PPP2R2C: variants seen among roughly 807,000 people sequenced by gnomAD.
PPP2R2C encodes the protein protein phosphatase 2 regulatory subunit Bgamma, also known as protein phosphatase 2, regulatory subunit B, gamma.
Under a neutral mutation model 45.3 loss-of-function variants are expected in PPP2R2C, and 10 were observed. The observed-to-expected ratio is 0.22, with a 90% CI of 0.14 to 0.37. The LOEUF is 0.37. Ranked by LOEUF, PPP2R2C falls within the 10% of genes least tolerant of loss-of-function variation. The pLI, the probability that PPP2R2C is intolerant of heterozygous loss-of-function variation, is 1.00. For missense variants in PPP2R2C, 308 were observed against 619.7 expected, an observed-to-expected ratio of 0.50 and a Z score of 5.34; for synonymous variants, 257 against 245.4, an observed-to-expected ratio of 1.05 and a Z score of -0.44.
rs1211942048 is a variant in PPP2R2C at position 6,367,086 on chromosome 4, T to C, written c.625+5437A>G. Among the ~76,000 whole-genome samples the C allele has an allele frequency of 2.0e-5, 3 of 152,090 alleles. No homozygotes were observed. The East Asian group carries it at 5.8e-4, about 29-fold the overall frequency. On this transcript the variant is annotated intron_variant, in intron 5 of 8. Transcript: ENST00000382599. ...AGGAGGCTGGGAGGGCTCCTCTTCC[T>C]TGAACCTTGGTGACTACACCGAGAC...
chr4:6,528,101 C>T (rs1724276448), intron 2 of PPP2R2C, among the ~76,000 whole-genome samples: 1 of 152,264 alleles, frequency 6.6e-6, no homozygotes. Context: ...TGTGTGACCA[C>T]CTGGTTACGG....
chr4:6,437,686 G>A (rs181092529), intron 1 of PPP2R2C, among the ~76,000 whole-genome samples: 94 of 152,284 alleles, frequency 6.2e-4, no homozygotes, highest in Admixed American at 3.5e-3. Context: ...AAGGTACAGC[G>A]GCCAACAGTA....
chr4:6,333,492 C>G (rs1346456861), intron 7 of PPP2R2C, 70 bp downstream of exon 7: 3 of 1,535,996 alleles, frequency 2.0e-6, no homozygotes, highest in Non-Finnish European at 2.6e-6. Context: ...GCTAGGAAGG[C>G]CCCCTCCATG....
At chr4:6,421,825 T>C (rs4561985) in intron 1 of PPP2R2C, among the ~76,000 whole-genome samples, 148,360 of 152,284 alleles carry the variant, frequency 0.97, 72,405 homozygotes, top group South Asian at 1. Flanking sequence ...CAGAATGAAA[T>C]AAGATGTAAA....
chr4:6,329,513 G>A lies in PPP2R2C; in HGVS notation c.961-160C>T, dbSNP rs1473158966. Among the ~76,000 whole-genome samples the A allele has an allele frequency of 1.3e-5, 2 of 151,922 alleles. No individual in the cohort carries two copies. Among genetic ancestry groups the A allele is most frequent in the Non-Finnish European group, 2.9e-5 (2 of 67,984 alleles). ...GGGTCTGAATGCTCTGACACAGCCC[G>A]ACACAGCCCTGCTCATCTCATCGGG... On this transcript the variant is annotated intron_variant, in intron 7 of 8. Transcript: ENST00000382599. This position sits in a 1 kb window ranked among gnomAD's most constrained non-coding sequence, Gnocchi z 5.8.
At chr4:6,430,954 A>T (rs969339930) in intron 1 of PPP2R2C, among the ~76,000 whole-genome samples, 5 of 149,808 alleles carry the variant, frequency 3.3e-5, no homozygotes, top group African/African-American at 9.9e-5. Flanking sequence ...CAAAAAAAAA[A>T]CTTTGCAGAT....
At chr4:6,534,331 A>G (rs527879864) in intron 2 of PPP2R2C, among the ~76,000 whole-genome samples, 1 of 150,252 alleles carries the variant, frequency 6.7e-6, no homozygotes, top group South Asian at 2.1e-4. Context: ...AAAAACACAC[A>G]TCAACACACA....
intron 8 of PPP2R2C, among the ~76,000 whole-genome samples, chr4:6,326,889 G>C (rs1282077323): frequency 6.6e-6 from 1 of 152,224 alleles, no homozygotes; most frequent in Admixed American, 6.5e-5. Context: ...ACTGTCAGAG[G>C]GGGTCACCAG....
At chr4:6,554,155 G>T (rs74454236) in intron 1 of PPP2R2C, among the ~76,000 whole-genome samples, 2,460 of 152,280 alleles carry the variant, frequency 0.016, 73 homozygotes, top group African/African-American at 0.056. Context: ...TGGAAATAGG[G>T]TCACTGCAGA....
chr4:6,523,861 A>C (rs1724104605), intron 2 of PPP2R2C, among the ~76,000 whole-genome samples: 1 of 152,110 alleles, frequency 6.6e-6, no homozygotes, highest in African/African-American at 2.4e-5. Context: ...AATGTGGTCC[A>C]CTCATACAGT....
At chr4:6,556,610 G>T (rs913273361) in intron 1 of PPP2R2C, among the ~76,000 whole-genome samples, 1 of 152,156 alleles carries the variant, frequency 6.6e-6, no homozygotes, top group African/African-American at 2.4e-5. Flanking sequence ...TCATTTGAGA[G>T]GTCCATCCAC....
chr4:6,402,774 T>G (rs1378770006), intron 1 of PPP2R2C, among the ~76,000 whole-genome samples: 1 of 151,850 alleles, frequency 6.6e-6, no homozygotes, highest in East Asian at 1.9e-4. Flanking sequence ...ACCTGAAGGG[T>G]CAGAAAGAGC....
rs1715561808 is a variant in PPP2R2C, at chr4:6,378,846, G to A, written c.169-274C>T. On this transcript the variant is annotated intron_variant, in intron 2 of 8. Transcript: ENST00000382599. This position sits in a 1 kb window ranked among gnomAD's most constrained non-coding sequence, Gnocchi z 5.2. ...TGTTCCCCAGCGCCTGCTACAAGCT[G>A]GACACCCCACTAAGTCCTCCCCGCA... Among the ~76,000 whole-genome samples, 1 of 151,808 alleles carries A rather than the reference G, an allele frequency of 6.6e-6. No homozygotes were observed. The highest frequency in any genetic ancestry group is 2.4e-5 in the African/African-American group (1 of 41,312).
At chr4:6,455,486 A>G (rs1481787121) in intron 1 of PPP2R2C, among the ~76,000 whole-genome samples, 1 of 152,132 alleles carries the variant, frequency 6.6e-6, no homozygotes, top group Admixed American at 6.5e-5. Flanking sequence ...CCATTCAAGG[A>G]GACCCAGCCT....
intron 2 of PPP2R2C, among the ~76,000 whole-genome samples, chr4:6,492,655 G>A (rs185901838): frequency 6.6e-6 from 1 of 152,278 alleles, no homozygotes; most frequent in Non-Finnish European, 1.5e-5. Flanking sequence ...CCTACAGCAG[G>A]GACTCGAATG....
chr4:6,505,024 A>G (rs1256064881), intron 2 of PPP2R2C, among the ~76,000 whole-genome samples: 1 of 152,238 alleles, frequency 6.6e-6, no homozygotes, highest in Non-Finnish European at 1.5e-5. Context: ...AAAACCAAGT[A>G]TAAAGAAAAA....
At chr4:6,453,213 G>A (rs1251853421) in intron 1 of PPP2R2C, among the ~76,000 whole-genome samples, 1 of 152,146 alleles carries the variant, frequency 6.6e-6, no homozygotes, top group East Asian at 1.9e-4. Flanking sequence ...TGGAGATACG[G>A]AGTTGAGGGA....
chr4:6,377,685 G>A (rs1715441569), intron 3 of PPP2R2C, among the ~76,000 whole-genome samples: 1 of 152,066 alleles, frequency 6.6e-6, no homozygotes, highest in Middle Eastern at 3.2e-3. Context: ...AAAGAATCCA[G>A]GTGTGTCCTA....
At chr4:6,557,683 TA>T (rs1020123142) in intron 1 of PPP2R2C, among the ~76,000 whole-genome samples, 1 of 152,044 alleles carries the variant, frequency 6.6e-6, no homozygotes, top group African/African-American at 2.4e-5. Context: ...TCAGCATGGT[TA>T]TTTTAGGGAG....
Sources: gnomAD v4.1 joint callset for allele counts (sites outside exome capture counted in the v4.1 genomes callset) on GRCh38, gnomAD v4.1.1 for gene constraint, Gnocchi (gnomAD v3.1) non-coding constraint, MANE v1.5 for transcripts, NCBI Gene and HGNC (gene_info 2026-07-23, HGNC 2026-07-21) for gene names.